ANKS1B: variants seen among roughly 807,000 people sequenced by gnomAD.
ANKS1B encodes the protein ankyrin repeat and sterile alpha motif domain-containing protein 1B.
Under a neutral mutation model 148.3 loss-of-function variants are expected in ANKS1B, and 36 were observed. The observed-to-expected ratio is 0.24, with a 90% CI of 0.19 to 0.32. ANKS1B has a LOEUF of 0.32. Among genes scored for constraint, ANKS1B ranks in the 10% least tolerant of loss-of-function variants. The pLI is 1.00. For synonymous variants in ANKS1B, 542 were observed against 560.8 expected (o/e 0.97, Z 0.47); for missense variants, 1,157 against 1,542.6 (o/e 0.75, Z 4.19).
chr12:99,915,436 T>G (rs1332364400), intron 1 of ANKS1B, among the ~76,000 whole-genome samples: 3 of 152,100 alleles, frequency 2.0e-5, no homozygotes, highest in Non-Finnish European at 4.4e-5. Context: ...AGTGCTTTCA[T>G]ATGGAGGCAA....
At chr12:99,136,677 G>A (rs1375467217) in intron 15 of ANKS1B, among the ~76,000 whole-genome samples, 1 of 152,152 alleles carries the variant, frequency 6.6e-6, no homozygotes, top group Non-Finnish European at 1.5e-5. Context: ...GTTATATGGA[G>A]ATAACCACCA....
intron 24 of ANKS1B, among the ~76,000 whole-genome samples, chr12:98,778,826 C>G (rs930137560): frequency 6.6e-6 from 1 of 152,166 alleles, no homozygotes; most frequent in Non-Finnish European, 1.5e-5. Context: ...AACACAATCT[C>G]TCTACTTGGG....
chr12:99,640,258 G>A (rs900616803), intron 9 of ANKS1B, among the ~76,000 whole-genome samples: 8 of 152,098 alleles, frequency 5.3e-5, no homozygotes, highest in African/African-American at 1.9e-4. Flanking sequence ...ACTGTCTTCA[G>A]CTGTCCGTAC....
At position 99,772,919 on chromosome 12, in the gene ANKS1B, T is replaced by A; in HGVS notation, c.1128+3A>T. 1 of 1,609,254 alleles carries A rather than the reference T, an allele frequency of 6.2e-7. No homozygotes were observed. The highest frequency in any genetic ancestry group is 8.5e-7 in the Non-Finnish European group (1 of 1,177,698). ...TATCTTCATTCCCCCCCGCCTTACT[T>A]ACTACACTCTGGCTTCCATTTTTCC... On this transcript the variant is annotated splice_donor_region_variant and intron_variant, in intron 8 of 26. Transcript: ENST00000683438.
rs1379069406 is a variant in ANKS1B, at chr12:99,812,180, G to A, written c.347C>T (p.Pro116Leu). ...CTGTTCATTGACCCTGGAATGTGAT[G>A]GTCCATGATGAATAAGAATCTTCAC... ...EIVKILIHHG[P>L]SHSRVNEQNN... is the part of the protein sequence containing the mutation. Residue 116 changes from proline to leucine, a missense_variant, in exon 3 of 27, where the codon CCA becomes CTA. This residue lies in a region of ANKS1B where 164 missense variants were observed against 232.6 expected (regional missense o/e 0.71). Transcript: ENST00000683438. 6.2e-7 allele frequency: 1 copy of A among 1,611,404 alleles called. No homozygotes were observed. The highest frequency in any genetic ancestry group is 1.7e-5 in the Admixed American group (1 of 59,770).
chr12:99,329,505 T>C (rs888355500), intron 12 of ANKS1B, among the ~76,000 whole-genome samples: 1 of 151,940 alleles, frequency 6.6e-6, no homozygotes, highest in East Asian at 1.9e-4. Flanking sequence ...AGTCTTGATA[T>C]ATAATTTTAA....
intron 9 of ANKS1B, among the ~76,000 whole-genome samples, chr12:99,596,107 A>G (rs1427787733): frequency 6.6e-6 from 1 of 151,966 alleles, no homozygotes; most frequent in African/African-American, 2.4e-5. Context: ...TTCAATAAAT[A>G]GAAATATATT....
Position 99,832,764 on chromosome 12 carries a change from T to C in ANKS1B, c.135-7375A>G, listed in dbSNP as rs528696133. 1.5e-3 allele frequency among the ~76,000 whole-genome samples: 230 copies of C among 149,886 alleles called. 1 individual carries two copies. Among genetic ancestry groups the C allele is most frequent in the African/African-American group, 5.3e-3 (217 of 40,672 alleles). On this transcript the variant is annotated intron_variant, in intron 1 of 26. Transcript: ENST00000683438. Reference sequence around the variant, plus strand: ...GAGAGAGAGAGAGAAAGCTCATAAATGCCCAGCAAAAAAAAAATAAAAAAT... The same window carrying C: ...GAGAGAGAGAGAGAAAGCTCATAAACGCCCAGCAAAAAAAAAATAAAAAAT...
At chr12:98,999,010 T>C (rs2099931337) in intron 17 of ANKS1B, among the ~76,000 whole-genome samples, 1 of 152,200 alleles carries the variant, frequency 6.6e-6, no homozygotes, top group African/African-American at 2.4e-5. Flanking sequence ...ATAATAGAAA[T>C]AGTAATTGTT....
At chr12:99,156,828 G>C (rs867010506) in intron 14 of ANKS1B, among the ~76,000 whole-genome samples, 6 of 152,084 alleles carry the variant, frequency 3.9e-5, no homozygotes, top group Admixed American at 1.3e-4. Flanking sequence ...AATATGCTTT[G>C]CTAATATTTC....
At chr12:99,870,067 G>A (rs1225061705) in intron 1 of ANKS1B, among the ~76,000 whole-genome samples, 3 of 152,142 alleles carry the variant, frequency 2.0e-5, no homozygotes, top group Admixed American at 6.5e-5. Flanking sequence ...CATAGTATTC[G>A]ATAGTTTTTC....
chr12:99,282,390 C>A (rs2078586308), intron 12 of ANKS1B, among the ~76,000 whole-genome samples: 1 of 152,122 alleles, frequency 6.6e-6, no homozygotes, highest in Non-Finnish European at 1.5e-5. Context: ...CCTTGCCTTA[C>A]TTTTATAGGG....
At chr12:99,850,545 C>A (rs116293092) in intron 1 of ANKS1B, among the ~76,000 whole-genome samples, 143 of 152,030 alleles carry the variant, frequency 9.4e-4, no homozygotes, top group African/African-American at 3.3e-3. Flanking sequence ...CAAAACACAT[C>A]AATAATTCTA....
intron 25 of ANKS1B, among the ~76,000 whole-genome samples, chr12:98,769,031 C>T (rs993409626): frequency 2.6e-5 from 4 of 152,010 alleles, no homozygotes; most frequent in African/African-American, 9.7e-5. Flanking sequence ...TATGTGATAA[C>T]AGTACATAAA....
At chr12:98,926,780 A>T (rs985361325) in intron 17 of ANKS1B, among the ~76,000 whole-genome samples, 1 of 152,134 alleles carries the variant, frequency 6.6e-6, no homozygotes, top group Non-Finnish European at 1.5e-5. Context: ...CAACAGAAGA[A>T]AGAATAAGCA....
At chr12:99,143,771 G>T (rs1285891915) in intron 15 of ANKS1B, among the ~76,000 whole-genome samples, 1 of 151,826 alleles carries the variant, frequency 6.6e-6, no homozygotes, top group African/African-American at 2.4e-5. Flanking sequence ...TCTGTATAAG[G>T]CCATTTTTTT....
intron 17 of ANKS1B, among the ~76,000 whole-genome samples, chr12:98,945,704 C>T (rs987433948): frequency 6.6e-6 from 1 of 151,958 alleles, no homozygotes; most frequent in African/African-American, 2.4e-5. Flanking sequence ...ATATTTACTG[C>T]GTGAATATGG....
chr12:99,702,142 T>A (rs951314850), intron 8 of ANKS1B, among the ~76,000 whole-genome samples: 1 of 152,200 alleles, frequency 6.6e-6, no homozygotes, highest in Admixed American at 6.5e-5. Flanking sequence ...GCTGTACTAA[T>A]TTACATTCCC....
At position 99,144,060 on chromosome 12, in the gene ANKS1B, G is replaced by A. The variant is rs139079626; in HGVS notation, c.2526+10229C>T. ...ACATACTGTGTAACATTTGTGAGGG[G>A]GTAAAGATAATGTATGTGATAATCA... On this transcript the variant is annotated intron_variant, in intron 15 of 26. Transcript: ENST00000683438. Among the ~76,000 whole-genome samples the A allele has an allele frequency of 6.0e-3, 910 of 152,016 alleles. 12 individuals carry two copies. The highest frequency in any genetic ancestry group is 0.02 in the African/African-American group (838 of 41,500).
Sources: gnomAD v4.1 joint callset for allele counts (sites outside exome capture counted in the v4.1 genomes callset) on GRCh38, gnomAD v4.1.1 for gene constraint, gnomAD v4.1.1 regional missense constraint, MANE v1.5 for transcripts, NCBI Gene and HGNC (gene_info 2026-07-23, HGNC 2026-07-21) for gene names.